PRTFDC1: variants seen among roughly 807,000 people sequenced by gnomAD.
PRTFDC1 encodes phosphoribosyltransferase domain-containing protein 1.
A neutral mutation model predicts 34.6 loss-of-function variants in PRTFDC1; 38 were observed. That is an observed-to-expected ratio of 1.10 (90% CI 0.85 to 1.44). The LOEUF (loss-of-function observed/expected upper bound fraction) is 1.44, where lower values mean the gene tolerates loss of function less well. Ranked by LOEUF, PRTFDC1 falls within the 40% of genes most tolerant of loss-of-function variation. The pLI is 0.00. For missense variants in PRTFDC1, 270 were observed against 283.0 expected (o/e 0.95, Z 0.33); for synonymous variants, 93 against 98.1 (o/e 0.95, Z 0.31).
At chr10:24,945,862 G>C (rs938620453) in intron 1 of PRTFDC1, among the ~76,000 whole-genome samples, 1 of 152,168 alleles carries the variant, frequency 6.6e-6, no homozygotes, top group Non-Finnish European at 1.5e-5. Flanking sequence ...CTGCCACCCT[G>C]AGAACTCCTT....
At chr10:24,932,911 A>G (rs1449557183) in intron 3 of PRTFDC1, among the ~76,000 whole-genome samples, 1 of 152,076 alleles carries the variant, frequency 6.6e-6, no homozygotes, top group Non-Finnish European at 1.5e-5. Context: ...AGCAGTGACA[A>G]TGTAGATGAA....
In PRTFDC1 at chr10:24,851,408, C is replaced by T. The variant is rs745774835; in HGVS notation, c.610G>A (p.Glu204Lys). ...CTTACATTCAGATCTCTGAAGTATT[C>T]ATTGTAATCTAAGGCATATCCCACC... Reference protein sequence around the residue: ...FVVGYALDYNEYFRDLNHICV... With the variant: ...FVVGYALDYNKYFRDLNHICV... Residue 204 changes from glutamate to lysine, a missense_variant, in exon 8 of 9, where the codon GAA (glutamate) becomes AAA (lysine). Physicochemically the swap from Glu to Lys is moderately conservative, Grantham distance 56. Coordinates refer to ENST00000320152, the MANE Select transcript of PRTFDC1 (RefSeq NM_020200.7). The T allele has an allele frequency of 4.3e-6, 7 of 1,611,894 alleles. No homozygotes were observed. In the Admixed American group the frequency reaches 1.2e-4, roughly 27 times the overall value.
At chr10:24,903,512 A>C (rs902947834) in intron 3 of PRTFDC1, among the ~76,000 whole-genome samples, 1 of 152,208 alleles carries the variant, frequency 6.6e-6, no homozygotes, top group African/African-American at 2.4e-5. Context: ...TAATAGGCAC[A>C]GCCCTAGTTC....
At chr10:24,930,272 T>C (rs1848950933) in intron 3 of PRTFDC1, among the ~76,000 whole-genome samples, 1 of 151,882 alleles carries the variant, frequency 6.6e-6, no homozygotes, top group South Asian at 2.1e-4. Flanking sequence ...GCAGGTAGAG[T>C]GAAAGTTCAT....
intron 2 of PRTFDC1, among the ~76,000 whole-genome samples, chr10:24,940,510 TAGAC>T (rs2132613081): frequency 6.6e-6 from 1 of 152,308 alleles, no homozygotes; most frequent in East Asian, 1.9e-4. Context: ...GAGATACCAT[TAGAC>T]AGCCACAAGA....
At chr10:24,863,166 C>T (rs932387190) in intron 4 of PRTFDC1, among the ~76,000 whole-genome samples, 10 of 152,148 alleles carry the variant, frequency 6.6e-5, no homozygotes, top group Admixed American at 5.2e-4. Flanking sequence ...GTGTGAGTCA[C>T]TGTGACGCCC....
intron 4 of PRTFDC1, among the ~76,000 whole-genome samples, chr10:24,859,163 G>A (rs771781833): frequency 1.7e-4 from 26 of 151,824 alleles, no homozygotes; most frequent in Admixed American, 6.6e-5. Context: ...CCTTGGTGGT[G>A]TTGTATCTGG....
rs57910963 is a variant in PRTFDC1, at chr10:24,886,956, C to CTTTTTT, written c.340-14899_340-14894dup. 6.4e-3 allele frequency among the ~76,000 whole-genome samples: 549 copies of CTTTTTT among 86,326 alleles called. 15 individuals are homozygous for CTTTTTT. The highest frequency in any genetic ancestry group is 0.012 in the African/African-American group (253 of 20,434). The allele number at this position is 86,326 out of a possible 152,430, so 56.6% of individuals were successfully genotyped here. ...TCTTTGTATCTTGTTAATACTCCTT[C>CTTTTTT]TTTTTTTTTTTTTTTTTTTTTTTTT... On this transcript the variant is annotated intron_variant, in intron 3 of 8. Coordinates refer to ENST00000320152, the MANE Select transcript of PRTFDC1 (RefSeq NM_020200.7).
At position 24,952,381 on chromosome 10, in the gene PRTFDC1, C is replaced by G. The variant is rs1041480516; in HGVS notation, c.48+147G>C. ...GGGGCGGGGAGAGGAGGCCCGGGTCCGAGGATGGAAGCGATCCCCGCCGGG... is the reference window on the plus strand; with the variant it reads ...GGGGCGGGGAGAGGAGGCCCGGGTCGGAGGATGGAAGCGATCCCCGCCGGG... On this transcript the variant is annotated intron_variant, in intron 1 of 8. Transcript: ENST00000320152. This position sits in a 1 kb window ranked among gnomAD's most constrained non-coding sequence, Gnocchi z 5.1. The G allele has an allele frequency of 7.7e-6, 7 of 914,924 alleles. No individual in the cohort carries two copies. Among genetic ancestry groups the G allele is most frequent in the Admixed American group, 2.2e-5 (1 of 46,464 alleles). 56.7% of individuals were successfully genotyped at this position (914,924 alleles called of 1,614,324 possible).
rs372071440 is a variant in PRTFDC1 at position 24,921,907 on chromosome 10, T to C, written c.339+15277A>G. 7.2e-5 allele frequency among the ~76,000 whole-genome samples: 11 copies of C among 152,304 alleles called. No individual in the cohort carries two copies. The East Asian group carries it at 1.9e-3, about 27-fold the overall frequency. ...ATGGCAAACTCATGCAAGAAAGGAA[T>C]ATACACTATGGGTTAAAACGACAAT... On this transcript the variant is annotated intron_variant, in intron 3 of 8. Coordinates refer to ENST00000320152, the MANE Select transcript of PRTFDC1 (RefSeq NM_020200.7).
intron 4 of PRTFDC1, among the ~76,000 whole-genome samples, chr10:24,866,996 G>A (rs1182432359): frequency 1.4e-5 from 2 of 145,554 alleles, no homozygotes; most frequent in Non-Finnish European, 3.0e-5. Flanking sequence ...AAAAAGAAAG[G>A]GAGAAAGAAA....
chr10:24,950,691 G>C (rs988115333), intron 1 of PRTFDC1, among the ~76,000 whole-genome samples: 1 of 151,454 alleles, frequency 6.6e-6, no homozygotes, highest in African/African-American at 2.4e-5. Context: ...CATGCTGCCT[G>C]CCCTCCCACC....
intron 5 of PRTFDC1, among the ~76,000 whole-genome samples, chr10:24,857,895 AAAAAACG>A (rs964237533): frequency 3.3e-5 from 5 of 152,174 alleles, no homozygotes; most frequent in Admixed American, 6.5e-5. Flanking sequence ...CAAAAGTTAA[AAAAAACG>A]AAAAACGAAA....
intron 3 of PRTFDC1, among the ~76,000 whole-genome samples, chr10:24,899,507 G>A (rs79485486): frequency 0.1 from 15,708 of 151,970 alleles, 1,105 homozygotes; most frequent in East Asian, 0.29. Context: ...TCTGACCAAC[G>A]ACCGCATCCT....
chr10:24,926,027 T>C (rs1848867718), intron 3 of PRTFDC1, among the ~76,000 whole-genome samples: 1 of 152,200 alleles, frequency 6.6e-6, no homozygotes, highest in Admixed American at 6.5e-5. Context: ...CCAGTACTCC[T>C]GCAGAACTAG....
intron 3 of PRTFDC1, among the ~76,000 whole-genome samples, chr10:24,935,056 G>C (rs1481802130): frequency 6.6e-6 from 1 of 152,198 alleles, no homozygotes; most frequent in Non-Finnish European, 1.5e-5. Flanking sequence ...GGGTTCAGGA[G>C]GTTGACTGTG....
intron 1 of PRTFDC1, among the ~76,000 whole-genome samples, chr10:24,949,879 C>T (rs1466725066): frequency 6.6e-6 from 1 of 152,022 alleles, no homozygotes; most frequent in African/African-American, 2.4e-5. Context: ...TGATTACAGG[C>T]ATGCACTACC....
At chr10:24,930,190 G>A (rs557869824) in intron 3 of PRTFDC1, among the ~76,000 whole-genome samples, 2 of 152,178 alleles carry the variant, frequency 1.3e-5, no homozygotes, top group Non-Finnish European at 2.9e-5. Flanking sequence ...GAAGCTCAAG[G>A]TTCTTTCCGA....
intron 3 of PRTFDC1, among the ~76,000 whole-genome samples, chr10:24,919,533 G>A (rs1000719153): frequency 4.6e-5 from 7 of 152,170 alleles, no homozygotes; most frequent in Admixed American, 3.3e-4. Context: ...AAAAACTCTA[G>A]GAGAAAATCT....
Sources: gnomAD v4.1 joint callset for allele counts (sites outside exome capture counted in the v4.1 genomes callset) on GRCh38, gnomAD v4.1.1 for gene constraint, Gnocchi (gnomAD v3.1) non-coding constraint, MANE v1.5 for transcripts, NCBI Gene and HGNC (gene_info 2026-07-23, HGNC 2026-07-21) for gene names.